FOXP2: variants seen among roughly 807,000 people sequenced by gnomAD.
FOXP2 encodes the protein forkhead box protein P2.
A neutral mutation model predicts 115.8 loss-of-function variants in FOXP2; 12 were observed. The ratio of observed to expected loss-of-function variants is 0.10; its 90% CI spans 0.07 to 0.17. FOXP2 has a LOEUF of 0.17. FOXP2 is among the 10% of genes least tolerant of loss of function. The pLI is 1.00. For synonymous variants in FOXP2, 328 were observed against 297.7 expected, an observed-to-expected ratio of 1.10 and a Z score of -1.05; for missense variants, 629 against 843.5, an observed-to-expected ratio of 0.75 and a Z score of 3.15.
chr7:114,235,114 G>C (rs942179376), intron 1 of FOXP2, among the ~76,000 whole-genome samples: 3 of 151,670 alleles, frequency 2.0e-5, no homozygotes, highest in Non-Finnish European at 4.4e-5. Flanking sequence ...GTCTCATATA[G>C]TTTTCAATAG....
At chr7:114,408,086 G>T (rs1482082445) in intron 2 of FOXP2, among the ~76,000 whole-genome samples, 5 of 152,018 alleles carry the variant, frequency 3.3e-5, no homozygotes, top group African/African-American at 1.2e-4. Flanking sequence ...ACAATGTAAT[G>T]ATTTAAATGC....
At position 114,157,156 on chromosome 7, in the gene FOXP2, C is replaced by CA. The variant is rs1792693217; in HGVS notation, c.-246-5788_-246-5787insA. On this transcript the variant is annotated intron_variant, in intron 1 of 19. Transcript: ENST00000635638. ...TCCTTGTCAAATGACTCAGTAATTT[C>CA]TTCATAATAAAGTTACATTGTTAAG... is the stretch of plus-strand genomic sequence containing the variant. Among the ~76,000 whole-genome samples, 3 of 152,052 alleles carry CA rather than the reference C, an allele frequency of 2.0e-5. No individual in the cohort carries two copies. The South Asian group carries it at 6.2e-4, about 32-fold the overall frequency.
intron 2 of FOXP2, among the ~76,000 whole-genome samples, chr7:114,356,401 G>A (rs1039647101): frequency 3.3e-5 from 5 of 152,158 alleles, no homozygotes; most frequent in Non-Finnish European, 5.9e-5. Context: ...GGTCAAGCCA[G>A]ATGGTAAGGC....
intron 2 of FOXP2, among the ~76,000 whole-genome samples, chr7:114,399,826 C>A (rs1366422002): frequency 6.6e-6 from 1 of 150,710 alleles, no homozygotes. Flanking sequence ...ACCTTAATTT[C>A]GAAGTGTCAA....
chr7:114,528,829 T>C (rs1436045750), intron 2 of FOXP2, among the ~76,000 whole-genome samples: 1 of 151,466 alleles, frequency 6.6e-6, no homozygotes, highest in Non-Finnish European at 1.5e-5. Flanking sequence ...CTAAAATCTA[T>C]TTGGGAAAAT....
At chr7:114,553,519 G>T (rs572451852) in intron 3 of FOXP2, among the ~76,000 whole-genome samples, 1 of 152,150 alleles carries the variant, frequency 6.6e-6, no homozygotes, top group South Asian at 2.1e-4. Flanking sequence ...AATTTTTCAA[G>T]AAATAAATAA....
At chr7:114,257,737 G>C (rs961142554) in intron 1 of FOXP2, among the ~76,000 whole-genome samples, 2 of 152,134 alleles carry the variant, frequency 1.3e-5, no homozygotes, top group African/African-American at 4.8e-5. Context: ...ACTGGCATGA[G>C]CCACCGTGCC....
chr7:114,162,506 A>G (rs1204421164), upstream of FOXP2, among the ~76,000 whole-genome samples: 1 of 152,104 alleles, frequency 6.6e-6, no homozygotes, highest in Admixed American at 6.6e-5. Context: ...AATTTTTAAA[A>G]ACATTTTTTC....
intron 3 of FOXP2, among the ~76,000 whole-genome samples, chr7:114,536,415 T>TG: frequency 2.0e-5 from 3 of 148,264 alleles, no homozygotes; most frequent in African/African-American, 7.4e-5. Flanking sequence ...TTTTTTTTTT[T>TG]TTTGTTGTTG....
At chr7:114,427,326 C>G (rs1303374952) in intron 2 of FOXP2, among the ~76,000 whole-genome samples, 1 of 150,988 alleles carries the variant, frequency 6.6e-6, no homozygotes, top group Non-Finnish European at 1.5e-5. Context: ...ATGTTAACAA[C>G]TACAAAATAA....
At chr7:114,127,032 G>A (rs554014277) in intron 1 of FOXP2, among the ~76,000 whole-genome samples, 192 of 152,148 alleles carry the variant, frequency 1.3e-3, no homozygotes, top group African/African-American at 1.6e-3. Flanking sequence ...GTGTCAGTGA[G>A]TGCTGAAGTC....
chr7:114,267,305 G>A (rs951840627), intron 1 of FOXP2, among the ~76,000 whole-genome samples: 5 of 151,966 alleles, frequency 3.3e-5, no homozygotes, highest in South Asian at 2.1e-4. Flanking sequence ...TGCAAGTATC[G>A]CCAAATTCAA....
At chr7:114,453,586 C>A (rs555964424) in intron 2 of FOXP2, among the ~76,000 whole-genome samples, 1 of 152,104 alleles carries the variant, frequency 6.6e-6, no homozygotes, top group African/African-American at 2.4e-5. Context: ...AAGAAAGATT[C>A]TCTCAGTTGG....
At chr7:114,402,810 G>T (rs1403794376) in intron 2 of FOXP2, among the ~76,000 whole-genome samples, 1 of 151,842 alleles carries the variant, frequency 6.6e-6, no homozygotes, top group East Asian at 1.9e-4. Flanking sequence ...TTGTTTGTTT[G>T]TTTGTTTGGT....
intron 1 of FOXP2, among the ~76,000 whole-genome samples, chr7:114,283,851 A>G (rs1390865839): frequency 6.6e-6 from 1 of 151,844 alleles, no homozygotes; most frequent in Admixed American, 6.6e-5. Context: ...AGTCCCAGCT[A>G]CTTGTGGGGG....
chr7:114,646,838 A>G (rs1805934813), intron 8 of FOXP2, among the ~76,000 whole-genome samples: 1 of 151,992 alleles, frequency 6.6e-6, no homozygotes, highest in Non-Finnish European at 1.5e-5. Flanking sequence ...AAAAAAGTTT[A>G]TTTAGCATCT....
rs1807044315 is a variant in FOXP2, at chr7:114,664,307, G to T, written c.1874G>T (p.Ser625Ile). ...GCAGAGAGCAGTTTACCTTTGCTAA[G>T]TAATCCTGGACTGATAAATAATGCA... is the stretch of plus-strand genomic sequence containing the variant. ...ALAESSLPLL[S>I]NPGLINNASS... Residue 625 changes from serine to isoleucine, a missense_variant, in exon 16 of 17, where the codon AGT becomes ATT. By Grantham distance (142) the Ser-to-Ile change is moderately radical (BLOSUM62 -2). This residue lies in a region of FOXP2 where 117 missense variants were observed against 112.3 expected (regional missense o/e 1.04). Transcript: ENST00000350908. 1.2e-6 allele frequency: 2 copies of T among 1,613,354 alleles called. No individual in the cohort carries two copies. The highest frequency in any genetic ancestry group is 1.7e-6 in the Non-Finnish European group (2 of 1,179,686).
chr7:114,289,402 C>T (rs1796540417), intron 2 of FOXP2, among the ~76,000 whole-genome samples: 1 of 151,856 alleles, frequency 6.6e-6, no homozygotes, highest in African/African-American at 2.4e-5. Flanking sequence ...AGAGATAGAA[C>T]ACATGTCTGC....
intron 1 of FOXP2, among the ~76,000 whole-genome samples, chr7:114,142,063 G>T (rs1251093830): frequency 6.6e-6 from 1 of 151,552 alleles, no homozygotes; most frequent in Non-Finnish European, 1.5e-5. Context: ...TCGCTCTGTC[G>T]CCAGGCTGGA....
Sources: gnomAD v4.1 joint callset for allele counts (sites outside exome capture counted in the v4.1 genomes callset) on GRCh38, gnomAD v4.1.1 for gene constraint, gnomAD v4.1.1 regional missense constraint, MANE v1.5 for transcripts, NCBI Gene and HGNC (gene_info 2026-07-23, HGNC 2026-07-21) for gene names.